The following BICD1 variants were observed in gnomAD, a reference collection of about 807,000 sequenced individuals.
The protein encoded by BICD1 is BICD cargo adaptor 1, also known as protein bicaudal D homolog 1.
In BICD1, 35 loss-of-function variants were observed where a neutral mutation model predicts 92.5. That is an observed-to-expected ratio of 0.38 (90% confidence interval 0.29 to 0.50). The LOEUF is 0.50. Among genes scored for constraint, BICD1 ranks in the 20% least tolerant of loss-of-function variants. The probability of loss-of-function intolerance (pLI) is 0.93; values close to 1 mark genes in which losing one functional copy is unlikely to be tolerated. For missense variants in BICD1, 950 were observed against 1,189.8 expected, an observed-to-expected ratio of 0.80 and a Z score of 2.97; for synonymous variants, 429 against 465.1, an observed-to-expected ratio of 0.92 and a Z score of 1.00.
At position 32,233,058 on chromosome 12, in the gene BICD1, A is replaced by C. The variant is rs548298391; in HGVS notation, c.426+16599A>C. On this transcript the variant is annotated intron_variant, in intron 2 of 9. Transcript: ENST00000652176. Reference sequence around the variant, plus strand: ...GCACTGACATAGGTTTAAAAAAATTATGTTTTAAAAGTAATCTTGCTGGGA... The same window carrying C: ...GCACTGACATAGGTTTAAAAAAATTCTGTTTTAAAAGTAATCTTGCTGGGA... Among the ~76,000 whole-genome samples, 5 of 152,324 alleles carry C rather than the reference A, an allele frequency of 3.3e-5. No homozygotes were observed. In the South Asian group the frequency reaches 1.0e-3, roughly 32 times the overall value.
At chr12:32,260,603 T>C (rs1247558329) in intron 2 of BICD1, among the ~76,000 whole-genome samples, 2 of 152,012 alleles carry the variant, frequency 1.3e-5, no homozygotes, top group Non-Finnish European at 2.9e-5. Context: ...CTCATTGAAA[T>C]TGTCTGTTCT....
At chr12:32,332,088 G>A (rs1937901373) in intron 5 of BICD1, among the ~76,000 whole-genome samples, 1 of 152,102 alleles carries the variant, frequency 6.6e-6, no homozygotes, top group South Asian at 2.1e-4. Context: ...GGTTGGAGCT[G>A]GAGACCATTA....
intron 4 of BICD1, among the ~76,000 whole-genome samples, chr12:32,308,688 C>T (rs1285058160): frequency 6.6e-6 from 1 of 152,166 alleles, no homozygotes; most frequent in Non-Finnish European, 1.5e-5. Flanking sequence ...AGTTAAGTCT[C>T]ATGGTGCAAG....
intron 2 of BICD1, among the ~76,000 whole-genome samples, chr12:32,271,590 T>C (rs1273436384): frequency 1.3e-5 from 2 of 152,192 alleles, no homozygotes; most frequent in Non-Finnish European, 2.9e-5. Context: ...ACCAGTCAGA[T>C]TGCTGCGACT....
At position 32,332,972 on chromosome 12, in the gene BICD1, C is replaced by T. The variant is rs1312965179; in HGVS notation, c.2101-1544C>T. On this transcript the variant is annotated intron_variant, in intron 5 of 9. Transcript: ENST00000652176. ...TTAAAATTACTTAATTCTGGAAAAA[C>T]TTTGCACAGTCAATGGACAAACAAA... 36 of 985,378 alleles carry T rather than the reference C, an allele frequency of 3.7e-5. No individual in the cohort carries two copies. In the South Asian group the frequency reaches 1.1e-3, roughly 30 times the overall value. 61.0% of individuals were successfully genotyped at this position (985,378 alleles called of 1,614,324 possible). A position where few individuals can be genotyped will look rare whatever the true frequency, so the allele number is the denominator to read the frequency against.
chr12:32,255,561 A>C (rs987371949), intron 2 of BICD1, among the ~76,000 whole-genome samples: 1 of 152,272 alleles, frequency 6.6e-6, no homozygotes, highest in Non-Finnish European at 1.5e-5. Flanking sequence ...ATGATGAGGC[A>C]TGGAACTTGG....
intron 1 of BICD1, among the ~76,000 whole-genome samples, chr12:32,192,718 C>A (rs1164520098): frequency 1.3e-5 from 2 of 152,124 alleles, no homozygotes; most frequent in African/African-American, 2.4e-5. Flanking sequence ...AAATAAGCAG[C>A]AAATGCTGAT....
At chr12:32,316,875 TC>T (rs1406127682) in intron 4 of BICD1, among the ~76,000 whole-genome samples, 1 of 152,010 alleles carries the variant, frequency 6.6e-6, no homozygotes, top group African/African-American at 2.4e-5. Flanking sequence ...CCCACAACAG[TC>T]CCCGGTGTGT....
At chr12:32,181,396 G>A (rs1464256675) in intron 1 of BICD1, among the ~76,000 whole-genome samples, 2 of 151,244 alleles carry the variant, frequency 1.3e-5, no homozygotes, top group Non-Finnish European at 3.0e-5. Flanking sequence ...CTCCAGCCTG[G>A]GCAACAGAGC....
chr12:32,204,519 A>G (rs1171248262), intron 1 of BICD1, among the ~76,000 whole-genome samples: 1 of 152,190 alleles, frequency 6.6e-6, no homozygotes, highest in Non-Finnish European at 1.5e-5. Flanking sequence ...TAGAGTCACA[A>G]ACAGGAATCC....
rs112599196 is a variant in BICD1, at chr12:32,316,448, G to A, written c.1005+10326G>A. On this transcript the variant is annotated intron_variant, in intron 4 of 9. Transcript: ENST00000652176. ...TGGGAATACAGGCACGTGCCACCAC[G>A]CCCAGCTAATTTTTTTTTATTTTTT... 1.4e-3 allele frequency among the ~76,000 whole-genome samples: 214 copies of A among 151,426 alleles called. 1 individual carries two copies. The highest frequency in any genetic ancestry group is 5.0e-3 in the African/African-American group (207 of 41,342).
chr12:32,146,062 A>G (rs945815212), intron 1 of BICD1, among the ~76,000 whole-genome samples: 14 of 152,248 alleles, frequency 9.2e-5, no homozygotes, highest in African/African-American at 3.1e-4. Context: ...CCATATTTAT[A>G]ATTAGAAATG....
At chr12:32,272,867 G>GCA in intron 2 of BICD1, among the ~76,000 whole-genome samples, 1 of 152,084 alleles carries the variant, frequency 6.6e-6, no homozygotes, top group Non-Finnish European at 1.5e-5. Context: ...GGTTTAGATT[G>GCA]GAAAATAAGT....
At chr12:32,340,049 G>T (rs1356603855) in intron 8 of BICD1, 2 of 956,320 alleles carry the variant, frequency 2.1e-6, no homozygotes, top group Non-Finnish European at 1.2e-6. Flanking sequence ...ATTCTCTCCT[G>T]GCCCCTCCTG....
chr12:32,338,114 T>G (rs1262104181), intron 7 of BICD1: 1 of 289,468 alleles, frequency 3.5e-6, no homozygotes, highest in African/African-American at 2.1e-5. Flanking sequence ...TGCCTCTCCC[T>G]TACCTCCAAC....
In BICD1 at chr12:32,305,686, G is replaced by T. The variant is rs751436369; in HGVS notation, c.580-11G>T. 5 of 1,594,230 alleles carry T rather than the reference G, an allele frequency of 3.1e-6. No homozygotes were observed. The East Asian group carries it at 8.9e-5, about 29-fold the overall frequency. The stretch of plus-strand genomic sequence containing the variant: ...TAGTTTTATGAATCTTCTTTATCCT[G>T]TCTGATTCAGGTTGAATACGAAGGC... On this transcript the variant is annotated splice_polypyrimidine_tract_variant and intron_variant, in intron 3 of 9. Transcript: ENST00000652176.
chr12:32,136,964 C>G (rs935657163), intron 1 of BICD1, among the ~76,000 whole-genome samples: 3 of 152,210 alleles, frequency 2.0e-5, no homozygotes, highest in Non-Finnish European at 4.4e-5. Context: ...ATATTATCAG[C>G]TTTGCTTATG....
chr12:32,361,610 C>T (rs897408495), intron 8 of BICD1, among the ~76,000 whole-genome samples: 1 of 151,286 alleles, frequency 6.6e-6, no homozygotes, highest in Non-Finnish European at 1.5e-5. Flanking sequence ...GGATACTTGG[C>T]CTGAGGAGAA....
chr12:32,318,577 G>A (rs1443727367), intron 4 of BICD1, among the ~76,000 whole-genome samples: 5 of 152,152 alleles, frequency 3.3e-5, no homozygotes, highest in South Asian at 2.1e-4. Flanking sequence ...TATTCCTGCC[G>A]GGTGCGGTGG....
Sources: allele counts gnomAD v4.1 joint callset (sites outside exome capture counted in the v4.1 genomes callset), GRCh38; gene constraint gnomAD v4.1.1; transcripts MANE v1.5; gene names NCBI Gene and HGNC (gene_info 2026-07-23, HGNC 2026-07-21).